Variants in EVL observed in about 807,000 individuals in gnomAD.
The protein encoded by EVL is ena/VASP-like protein.
A neutral mutation model predicts 59.6 loss-of-function variants in EVL; 21 were observed. The ratio of observed to expected loss-of-function variants is 0.35; its 90% CI spans 0.25 to 0.51. The LOEUF (loss-of-function observed/expected upper bound fraction) is 0.51. EVL is among the 20% of genes least tolerant of loss of function. The probability of loss-of-function intolerance (pLI) is 0.97; values close to 1 mark genes in which losing one functional copy is unlikely to be tolerated. For synonymous variants in EVL, 198 were observed against 203.5 expected (o/e 0.97, Z 0.23); for missense variants, 462 against 546.6 (o/e 0.85, Z 1.54).
At chr14:100,123,490 G>A (rs763714422) in intron 3 of EVL, 49 bp from the exon 4 acceptor site, 35 of 1,599,588 alleles carry the variant, frequency 2.2e-5, no homozygotes, top group Non-Finnish European at 2.5e-5. Flanking sequence ...GGGTTTGCTG[G>A]GGCCTTTCTT....
chr14:100,127,463 G>C lies in EVL; in HGVS notation c.487+692G>C, dbSNP rs1018641954. ...TACAGGAACGCTCTGCTCGTGAGATGCTGGCTGACCCCATCACCCCCACCT... is the reference window on the plus strand; with the variant it reads ...TACAGGAACGCTCTGCTCGTGAGATCCTGGCTGACCCCATCACCCCCACCT... On this transcript the variant is annotated intron_variant, in intron 5 of 13. Coordinates refer to ENST00000392920, the MANE Select transcript of EVL (RefSeq NM_016337.3). This position sits in a 1 kb window ranked among gnomAD's most constrained non-coding sequence, Gnocchi z 4.2. Among the ~76,000 whole-genome samples the C allele has an allele frequency of 1.3e-5, 2 of 152,178 alleles. No individual in the cohort carries two copies. Among genetic ancestry groups the C allele is most frequent in the African/African-American group, 2.4e-5 (1 of 41,434 alleles).
intron 12 of EVL, 87 bp from the exon 13 acceptor site, chr14:100,141,649 C>A: frequency 1.5e-6 from 2 of 1,338,750 alleles, no homozygotes; most frequent in East Asian, 2.4e-5. Context: ...CCCAGGAGAC[C>A]CCAAGCCCTT....
chr14:100,014,146 T>C (rs1321055192), intron 1 of EVL, among the ~76,000 whole-genome samples: 6 of 152,220 alleles, frequency 3.9e-5, no homozygotes, highest in African/African-American at 1.4e-4. Context: ...ATTCTAACTC[T>C]ATTTTAATAG....
At chr14:100,111,148 ATTTTTTTT>A (rs35367426) in intron 3 of EVL, among the ~76,000 whole-genome samples, 1 of 86,808 alleles carries the variant, frequency 1.2e-5, no homozygotes, top group African/African-American at 4.7e-5. Flanking sequence ...TAGTGTCCTC[ATTTTTTTT>A]TTTTTTTTTT....
chr14:100,004,699 A>G (rs554037758), intron 1 of EVL, among the ~76,000 whole-genome samples: 2 of 152,268 alleles, frequency 1.3e-5, no homozygotes, highest in African/African-American at 2.4e-5. Context: ...TCTCATATAA[A>G]ATTATTTCTC....
chr14:100,017,023 G>A (rs1178543782), intron 1 of EVL, among the ~76,000 whole-genome samples: 1 of 152,200 alleles, frequency 6.6e-6, no homozygotes, highest in African/African-American at 2.4e-5. Flanking sequence ...TGGATCATTG[G>A]TGTAAGGACA....
chr14:99,976,942 C>T (rs1443609136), intron 1 of EVL, among the ~76,000 whole-genome samples: 2 of 152,188 alleles, frequency 1.3e-5, no homozygotes, highest in Non-Finnish European at 2.9e-5. Context: ...GTATTTCTTA[C>T]ATTTTTCCCA....
At chr14:100,010,997 T>C (rs1262760897) in intron 1 of EVL, among the ~76,000 whole-genome samples, 2 of 152,250 alleles carry the variant, frequency 1.3e-5, no homozygotes, top group Non-Finnish European at 2.9e-5. Flanking sequence ...GATTTCAAGA[T>C]GATTTGTCCT....
chr14:100,109,569 C>CAT lies in EVL; in HGVS notation c.358+11913_358+11914dup. On this transcript the variant is annotated intron_variant, in intron 3 of 13. Coordinates refer to ENST00000392920, the MANE Select transcript of EVL (RefSeq NM_016337.3). This position sits in a 1 kb window ranked among gnomAD's most constrained non-coding sequence, Gnocchi z 4.3. ...CGCCCATGTCATATTGTGTGCCTCTCATAGCCTGGCACTTCCTGCCATTGC... is the reference window on the plus strand; with the variant it reads ...CGCCCATGTCATATTGTGTGCCTCTCATATAGCCTGGCACTTCCTGCCATTGC... 2.1e-6 allele frequency: 1 copy of CAT among 477,920 alleles called. No individual in the cohort carries two copies. Among genetic ancestry groups the CAT allele is most frequent in the Non-Finnish European group, 4.4e-6 (1 of 229,516 alleles). The allele number at this position is 477,920 out of a possible 1,614,324, so 29.6% of individuals were successfully genotyped here. A position where few individuals can be genotyped will look rare whatever the true frequency, so the allele number is the denominator to read the frequency against.
In EVL at chr14:100,109,587, G is replaced by A; in HGVS notation, c.358+11929G>A. ...TGCCTCTCATAGCCTGGCACTTCCT[G>A]CCATTGCATCCTTCTCTGCAGACTA... On this transcript the variant is annotated intron_variant, in intron 3 of 13. Coordinates refer to ENST00000392920, the MANE Select transcript of EVL (RefSeq NM_016337.3). This position sits in a 1 kb window ranked among gnomAD's most constrained non-coding sequence, Gnocchi z 4.3. 1 of 488,486 alleles carries A rather than the reference G, an allele frequency of 2.0e-6. No individual in the cohort carries two copies. The highest frequency in any genetic ancestry group is 4.3e-6 in the Non-Finnish European group (1 of 234,378). The allele number at this position is 488,486 out of a possible 1,614,324, so 30.3% of individuals were successfully genotyped here. A position where few individuals can be genotyped will look rare whatever the true frequency, so the allele number is the denominator to read the frequency against.
intron 2 of EVL, among the ~76,000 whole-genome samples, chr14:100,096,594 C>G (rs778189627): frequency 4.6e-5 from 7 of 152,234 alleles, no homozygotes; most frequent in South Asian, 4.1e-4. Flanking sequence ...GTTAGATCAT[C>G]TGACTCCAAG....
chr14:100,142,986 C>T (rs1889282968), intron 13 of EVL, among the ~76,000 whole-genome samples: 1 of 152,230 alleles, frequency 6.6e-6, no homozygotes, highest in African/African-American at 2.4e-5. Context: ...CTCCCATCCC[C>T]CAGCCCCCAC....
At chr14:100,049,223 A>G (rs1040115982) in intron 1 of EVL, among the ~76,000 whole-genome samples, 7 of 152,196 alleles carry the variant, frequency 4.6e-5, no homozygotes, top group African/African-American at 1.2e-4. Context: ...GTTCCTTAAA[A>G]CCATTGGAAA....
chr14:100,141,647 A>T, intron 12 of EVL, 89 bp from the exon 13 acceptor site: 1 of 1,247,332 alleles, frequency 8.0e-7, no homozygotes, highest in Non-Finnish European at 1.1e-6. Context: ...GGCCCAGGAG[A>T]CCCCAAGCCC....
intron 1 of EVL, among the ~76,000 whole-genome samples, chr14:100,004,480 G>GA (rs2060965754): frequency 8.0e-6 from 1 of 125,104 alleles, no homozygotes; most frequent in Non-Finnish European, 1.5e-5. Context: ...GTGTGTAAGT[G>GA]GTTTTTTTTT....
intron 1 of EVL, among the ~76,000 whole-genome samples, chr14:99,976,857 AG>A (rs1169251587): frequency 6.6e-6 from 1 of 152,184 alleles, no homozygotes; most frequent in Non-Finnish European, 1.5e-5. Context: ...AACACCCTTC[AG>A]GAAAATTAGC....
At chr14:100,001,248 G>A (rs2060944559) in intron 1 of EVL, among the ~76,000 whole-genome samples, 1 of 152,046 alleles carries the variant, frequency 6.6e-6, no homozygotes, top group Admixed American at 6.6e-5. Flanking sequence ...AGTTTTCAGT[G>A]ATTTCAAATT....
rs181528330 is a variant in EVL, at chr14:100,001,108, C to T, written c.5+29051C>T. On this transcript the variant is annotated intron_variant, in intron 1 of 13. Transcript: ENST00000402714. ...AATCCTGGAAAATTGATAGAGGCCA[C>T]GTTACTCTGAAGTCCATGTATCAGT... Among the ~76,000 whole-genome samples the T allele has an allele frequency of 3.0e-4, 46 of 152,186 alleles. 1 individual carries two copies. Among genetic ancestry groups the T allele is most frequent in the Admixed American group, 1.2e-3 (18 of 15,292 alleles).
chr14:100,083,649 G>A (rs2062364198), intron 1 of EVL, among the ~76,000 whole-genome samples: 2 of 152,146 alleles, frequency 1.3e-5, no homozygotes, highest in South Asian at 4.1e-4. Context: ...CTGCTTCTCT[G>A]TCATACTTTG....
Sources: allele counts gnomAD v4.1 joint callset (sites outside exome capture counted in the v4.1 genomes callset), GRCh38; gene constraint gnomAD v4.1.1; non-coding constraint Gnocchi (gnomAD v3.1); transcripts MANE v1.5; gene names NCBI Gene and HGNC (gene_info 2026-07-23, HGNC 2026-07-21).